The following DNAH7 variants were observed in gnomAD, a reference collection of about 807,000 sequenced individuals.
The protein encoded by DNAH7 is dynein axonemal heavy chain 7.
Under a neutral mutation model 444.6 loss-of-function variants are expected in DNAH7, and 397 were observed. That is an observed-to-expected ratio of 0.89 (90% CI 0.82 to 0.97). The LOEUF is 0.97. Ranked by LOEUF, DNAH7 falls within the 50% of genes least tolerant of loss-of-function variation. DNAH7 has a pLI of 0.00. For missense variants in DNAH7, 4,902 were observed against 4,800.8 expected (o/e 1.02, Z -0.62); for synonymous variants, 1,636 against 1,624.4 (o/e 1.01, Z -0.17).
At chr2:195,963,360 A>G (rs1691242382) in intron 17 of DNAH7, among the ~76,000 whole-genome samples, 1 of 152,212 alleles carries the variant, frequency 6.6e-6, no homozygotes, top group African/African-American at 2.4e-5. Context: ...TCTGATAATC[A>G]ATGATGTTGA....
intron 63 of DNAH7, among the ~76,000 whole-genome samples, chr2:195,747,772 A>T (rs1471760510): frequency 6.6e-6 from 1 of 152,208 alleles, no homozygotes; most frequent in Non-Finnish European, 1.5e-5. Flanking sequence ...AAGGCCTTTG[A>T]CAAAATTCAA....
chr2:195,917,841 C>T (rs530504843), intron 24 of DNAH7, among the ~76,000 whole-genome samples: 2 of 152,122 alleles, frequency 1.3e-5, no homozygotes, highest in African/African-American at 4.8e-5. Context: ...GTTTGTTTTA[C>T]ATTTTTTGTA....
chr2:195,990,658 C>T (rs1265886453), intron 12 of DNAH7, among the ~76,000 whole-genome samples: 3 of 148,420 alleles, frequency 2.0e-5, no homozygotes, highest in Non-Finnish European at 3.0e-5. Flanking sequence ...GACCCTGTCT[C>T]GAAAAAAAAA....
chr2:195,884,450 C>T, intron 35 of DNAH7, 135 bp downstream of exon 35: 1 of 664,312 alleles, frequency 1.5e-6, no homozygotes, highest in South Asian at 1.9e-5. Flanking sequence ...CAAGCCAGTG[C>T]ATCTTCCTCT....
intron 11 of DNAH7, 52 bp from the exon 12 acceptor site, chr2:196,000,935 A>G (rs760585049): frequency 7.1e-7 from 1 of 1,410,304 alleles, no homozygotes; most frequent in East Asian, 2.4e-5. Context: ...ATTGTGACAG[A>G]CTAAGTAGTA....
intron 48 of DNAH7, among the ~76,000 whole-genome samples, chr2:195,833,642 T>C (rs538084608): frequency 6.6e-6 from 1 of 152,364 alleles, no homozygotes; most frequent in South Asian, 2.1e-4. Context: ...ATAAATGTGA[T>C]ATCTACATAA....
chr2:195,746,334 T>C (rs1098941), intron 63 of DNAH7, among the ~76,000 whole-genome samples: 41,935 of 151,664 alleles, frequency 0.28, 5,928 homozygotes, highest in Middle Eastern at 0.41. Context: ...ACAGGAGCAC[T>C]CAGATTCATA....
chr2:195,852,913 C>CAGAGAGAG (rs909240212), intron 46 of DNAH7, among the ~76,000 whole-genome samples: 23 of 134,702 alleles, frequency 1.7e-4, no homozygotes, highest in East Asian at 1.1e-3. Context: ...CACACACACA[C>CAGAGAGAG]ACAGAGAGAG....
At chr2:195,957,239 T>C in intron 19 of DNAH7, 22 bp downstream of exon 19, 1 of 1,458,380 alleles carries the variant, frequency 6.9e-7, no homozygotes, top group South Asian at 1.5e-5. Flanking sequence ...ATAATGACAT[T>C]TTTGGAGATT....
intron 19 of DNAH7, among the ~76,000 whole-genome samples, chr2:195,953,678 G>C (rs1442142230): frequency 6.6e-6 from 1 of 152,202 alleles, no homozygotes; most frequent in Non-Finnish European, 1.5e-5. Context: ...CAGCAGCTTT[G>C]CTGAGCTGCA....
intron 60 of DNAH7, 48 bp from the exon 61 acceptor site, chr2:195,771,938 C>A (rs1145939): frequency 1.3e-5 from 20 of 1,526,864 alleles, no homozygotes; most frequent in African/African-American, 2.7e-5. Context: ...AAAGGTCTAA[C>A]AATAGCTGAA....
At chr2:195,755,833 A>G (rs1694041411) in intron 62 of DNAH7, among the ~76,000 whole-genome samples, 1 of 152,194 alleles carries the variant, frequency 6.6e-6, no homozygotes, top group Non-Finnish European at 1.5e-5. Flanking sequence ...TGAAGCTATA[A>G]TACCCCTCAC....
intron 10 of DNAH7, among the ~76,000 whole-genome samples, chr2:196,003,107 T>C (rs889796053): frequency 1.0e-4 from 15 of 148,548 alleles, no homozygotes; most frequent in Non-Finnish European, 1.5e-4. Context: ...AGGATAGATA[T>C]AATTTTCCAT....
chr2:195,917,101 C>CA (rs34903739), intron 24 of DNAH7, among the ~76,000 whole-genome samples: 3,651 of 53,032 alleles, frequency 0.069, 232 homozygotes, highest in African/African-American at 0.15. Context: ...GACTCCACCT[C>CA]AAAAAAAAAA....
intron 51 of DNAH7, among the ~76,000 whole-genome samples, chr2:195,815,337 ATCTATAT>A (rs1234063505): frequency 2.6e-5 from 4 of 152,150 alleles, no homozygotes; most frequent in African/African-American, 9.7e-5. Flanking sequence ...AATGGCAGAT[ATCTATAT>A]ATCTATATAT....
intron 58 of DNAH7, among the ~76,000 whole-genome samples, chr2:195,781,296 C>T (rs1018507309): frequency 2.0e-5 from 3 of 151,948 alleles, no homozygotes; most frequent in East Asian, 3.9e-4. Flanking sequence ...ATCAGCTAGC[C>T]CCTGAGAAGG....
At chr2:195,897,882 G>T in intron 28 of DNAH7, 117 bp from the exon 29 acceptor site, 1 of 488,368 alleles carries the variant, frequency 2.0e-6, no homozygotes, top group Non-Finnish European at 3.7e-6. Context: ...AACAAATGCA[G>T]CTCTTCTTTC....
chr2:195,844,885 ATTAGT>A, intron 47 of DNAH7, 112 bp downstream of exon 47: 1 of 807,588 alleles, frequency 1.2e-6, no homozygotes. Context: ...AATTTCACTA[ATTAGT>A]TAAGTAATTT....
At chr2:196,012,732 C>T (rs1694793338) in intron 10 of DNAH7, 55 bp downstream of exon 10, 2 of 1,567,884 alleles carry the variant, frequency 1.3e-6, no homozygotes, top group Non-Finnish European at 1.7e-6. Context: ...AATGCAGTAG[C>T]CCACAATCAT....
Sources: allele counts gnomAD v4.1 joint callset (sites outside exome capture counted in the v4.1 genomes callset), GRCh38; gene constraint gnomAD v4.1.1; transcripts MANE v1.5; gene names NCBI Gene and HGNC (gene_info 2026-07-23, HGNC 2026-07-21).